The following FSIP1 variants were observed in gnomAD, a reference collection of about 807,000 sequenced individuals.
The protein encoded by FSIP1 is fibrous sheath interacting protein 1.
Under a neutral mutation model 60.9 loss-of-function variants are expected in FSIP1, and 65 were observed. The ratio of observed to expected loss-of-function variants is 1.07; its 90% confidence interval spans 0.87 to 1.31. The LOEUF (loss-of-function observed/expected upper bound fraction) is 1.31. Ranked by LOEUF, FSIP1 falls within the 40% of genes most tolerant of loss-of-function variation. The pLI, the probability that FSIP1 is intolerant of heterozygous loss-of-function variation, is 0.00. For synonymous variants in FSIP1, 209 were observed against 221.2 expected (o/e 0.94, Z 0.49); for missense variants, 675 against 665.5 (o/e 1.01, Z -0.16).
chr15:39,733,510 A>G (rs745660793), intron 8 of FSIP1, among the ~76,000 whole-genome samples: 2 of 152,242 alleles, frequency 1.3e-5, no homozygotes, highest in African/African-American at 2.4e-5. Flanking sequence ...GAGGTCCTAT[A>G]GCCACCTGTG....
chr15:39,741,925 T>A, intron 5 of FSIP1, 25 bp from the exon 6 acceptor site: 2 of 1,214,360 alleles, frequency 1.6e-6, no homozygotes, highest in South Asian at 2.5e-5. Flanking sequence ...AATCACTTGT[T>A]CAATGCTCAC....
intron 10 of FSIP1, among the ~76,000 whole-genome samples, chr15:39,699,319 G>A (rs765968047): frequency 5.3e-5 from 8 of 152,096 alleles, no homozygotes; most frequent in Non-Finnish European, 8.8e-5. Context: ...TTAGAGATAC[G>A]AATAAATGCC....
At chr15:39,606,572 T>C (rs1890831924) in intron 11 of FSIP1, among the ~76,000 whole-genome samples, 1 of 152,176 alleles carries the variant, frequency 6.6e-6, no homozygotes, top group Non-Finnish European at 1.5e-5. Context: ...TATAAAGCTA[T>C]AATTTTGTAT....
At chr15:39,770,678 G>C (rs1484445314) in intron 2 of FSIP1, 68 bp from the exon 3 acceptor site, 1 of 1,031,766 alleles carries the variant, frequency 9.7e-7, no homozygotes, top group East Asian at 2.8e-5. Flanking sequence ...TACATTTCTA[G>C]AATATTTTGA....
intron 10 of FSIP1, among the ~76,000 whole-genome samples, chr15:39,706,940 T>C (rs1895296916): frequency 6.6e-6 from 1 of 152,216 alleles, no homozygotes; most frequent in African/African-American, 2.4e-5. Flanking sequence ...GATAGGCAGA[T>C]GGTATTCTAA....
At chr15:39,693,297 C>T (rs2140508471) in intron 10 of FSIP1, among the ~76,000 whole-genome samples, 1 of 152,274 alleles carries the variant, frequency 6.6e-6, no homozygotes, top group East Asian at 1.9e-4. Context: ...TCTGGTAGCT[C>T]CTGAACAGCC....
At chr15:39,741,930 G>T in intron 5 of FSIP1, 30 bp from the exon 6 acceptor site, 1 of 1,174,724 alleles carries the variant, frequency 8.5e-7, no homozygotes, top group Non-Finnish European at 1.3e-6. Context: ...CTTGTTCAAT[G>T]CTCACAAAAT....
At chr15:39,627,759 T>C (rs376096968) in intron 10 of FSIP1, among the ~76,000 whole-genome samples, 1 of 152,252 alleles carries the variant, frequency 6.6e-6, no homozygotes, top group Non-Finnish European at 1.5e-5. Flanking sequence ...AGCTCTTATA[T>C]TTACTCTCTT....
rs1896744391 is a variant in FSIP1, at chr15:39,739,788, A to T, written c.657T>A (p.Asp219Glu). 6.5e-7 allele frequency: 1 copy of T among 1,548,890 alleles called. No individual in the cohort carries two copies. The highest frequency in any genetic ancestry group is 2.3e-5 in the Admixed American group (1 of 42,836). Residue 219 changes from aspartate (D) to glutamate (E), a missense_variant and splice_region_variant, in exon 7 of 12, where the codon GAT becomes GAA. Physicochemically the swap from Asp to Glu is conservative, Grantham distance 45 (BLOSUM62 2). Coordinates refer to ENST00000350221, the MANE Select transcript of FSIP1 (RefSeq NM_152597.5). The stretch of plus-strand genomic sequence containing the variant: ...CATTTCTTTCCACATCACAGGTAAA[A>T]TCTAATATTAAAAAAGTTCAAAATT... ...YEMQMQKLNK[D>E]FTCDVERNES...
At chr15:39,657,970 T>C (rs1316664527) in intron 10 of FSIP1, among the ~76,000 whole-genome samples, 1 of 152,196 alleles carries the variant, frequency 6.6e-6, no homozygotes, top group Non-Finnish European at 1.5e-5. Flanking sequence ...TAGTAGGGCC[T>C]GTGATGGATG....
rs186910991 is a variant in FSIP1 at position 39,675,425 on chromosome 15, G to T, written c.1188+38019C>A. Among the ~76,000 whole-genome samples the T allele has an allele frequency of 3.3e-4, 50 of 152,158 alleles. No homozygotes were observed. The East Asian group carries it at 8.9e-3, about 27-fold the overall frequency. On this transcript the variant is annotated intron_variant, in intron 10 of 11. Coordinates refer to ENST00000350221, the MANE Select transcript of FSIP1 (RefSeq NM_152597.5). ...TGTTTATCACAGTAGCATTCATAAC[G>T]AAAATCTGAAAATAACCCAAATGTC...
intron 10 of FSIP1, among the ~76,000 whole-genome samples, chr15:39,696,871 TG>T: frequency 4.2e-3 from 1 of 240 alleles, no homozygotes; most frequent in African/African-American, 0.026. Context: ...AAGGGGTGTC[TG>T]TGTGTGTGTG....
chr15:39,674,977 T>C (rs1484823290), intron 10 of FSIP1, among the ~76,000 whole-genome samples: 2 of 151,904 alleles, frequency 1.3e-5, no homozygotes, highest in Non-Finnish European at 2.9e-5. Context: ...TATAAAGAAC[T>C]TCTATAATAA....
chr15:39,670,552 G>C (rs1000725541), intron 10 of FSIP1, among the ~76,000 whole-genome samples: 4 of 152,146 alleles, frequency 2.6e-5, no homozygotes, highest in African/African-American at 7.2e-5. Flanking sequence ...TGCGATCATA[G>C]CTCACTGCAG....
At chr15:39,780,915 T>C (rs1898242086) in intron 1 of FSIP1, among the ~76,000 whole-genome samples, 1 of 152,130 alleles carries the variant, frequency 6.6e-6, no homozygotes, top group Non-Finnish European at 1.5e-5. Context: ...AAAAAATACA[T>C]GTGACTGTGG....
intron 8 of FSIP1, 73 bp from the exon 9 acceptor site, chr15:39,726,820 T>C (rs891950958): frequency 5.8e-6 from 7 of 1,199,156 alleles, no homozygotes; most frequent in South Asian, 5.7e-5. Flanking sequence ...CAAGTGGCTA[T>C]AACAGTGCCC....
intron 10 of FSIP1, among the ~76,000 whole-genome samples, chr15:39,683,338 A>G (rs1026544642): frequency 1.3e-5 from 2 of 152,208 alleles, no homozygotes; most frequent in Admixed American, 1.3e-4. Context: ...AAAAACAGTC[A>G]TCATCAATCA....
chr15:39,646,725 A>C (rs1892631869), intron 10 of FSIP1, among the ~76,000 whole-genome samples: 1 of 151,618 alleles, frequency 6.6e-6, no homozygotes, highest in Admixed American at 6.6e-5. Context: ...AAAAAAGTCT[A>C]ATGGAAATGA....
At chr15:39,732,116 C>T (rs1240432335) in intron 8 of FSIP1, among the ~76,000 whole-genome samples, 1 of 152,164 alleles carries the variant, frequency 6.6e-6, no homozygotes, top group Non-Finnish European at 1.5e-5. Context: ...CAACCTAGAT[C>T]CCTCCCATGC....
Sources: allele counts gnomAD v4.1 joint callset (sites outside exome capture counted in the v4.1 genomes callset), GRCh38; gene constraint gnomAD v4.1.1; transcripts MANE v1.5; gene names NCBI Gene and HGNC (gene_info 2026-07-23, HGNC 2026-07-21).